The following VDR variants were observed in gnomAD, a reference collection of about 807,000 sequenced individuals.
VDR encodes vitamin D receptor.
VDR carries 19 observed loss-of-function variants against 39.7 expected under a neutral mutation model. That is an observed-to-expected ratio of 0.48 (90% CI 0.33 to 0.70). The LOEUF (loss-of-function observed/expected upper bound fraction) is 0.70, where lower values mean the gene tolerates loss of function less well. Ranked by LOEUF, VDR falls within the 30% of genes least tolerant of loss-of-function variation. VDR has a pLI of 0.02. For synonymous variants in VDR, 242 were observed against 215.8 expected (o/e 1.12, Z -1.07); for missense variants, 442 against 570.5 (o/e 0.77, Z 2.29).
intron 3 of VDR, among the ~76,000 whole-genome samples, chr12:47,871,867 C>A (rs1400715389): frequency 6.6e-6 from 1 of 152,212 alleles, no homozygotes; most frequent in African/African-American, 2.4e-5. Context: ...AAGAAGTGTT[C>A]TTTAGCAGAT....
chr12:47,865,517 T>C (rs1391920378), intron 3 of VDR, among the ~76,000 whole-genome samples: 13 of 152,012 alleles, frequency 8.6e-5, no homozygotes, highest in Non-Finnish European at 1.9e-4. Context: ...GTTCAAGTAA[T>C]CCTCCTGCTT....
chr12:47,896,965 T>C (rs1946475683), intron 1 of VDR: 1 of 152,290 alleles, frequency 6.6e-6, no homozygotes, highest in Non-Finnish European at 1.5e-5. Context: ...CTGCGTTTTT[T>C]CCAGCCCTCC....
At chr12:47,893,046 C>T (rs1184883142) in intron 1 of VDR, among the ~76,000 whole-genome samples, 1 of 152,122 alleles carries the variant, frequency 6.6e-6, no homozygotes, top group African/African-American at 2.4e-5. Context: ...GGAGAGGGTG[C>T]CAGGAAGAGA....
intron 3 of VDR, among the ~76,000 whole-genome samples, chr12:47,873,385 C>T (rs113270938): frequency 0.14 from 12,728 of 88,448 alleles, 994 homozygotes; most frequent in East Asian, 0.48. Flanking sequence ...TTTTTTGAGA[C>T]GGAGTCTCGC....
chr12:47,900,103 G>C (rs1433132699), intron 1 of VDR: 1 of 288,426 alleles, frequency 3.5e-6, no homozygotes, highest in Non-Finnish European at 5.2e-6. Context: ...GACTATTAGA[G>C]TCATATTTGA....
chr12:47,879,771 T>C (rs1054642557), intron 2 of VDR, among the ~76,000 whole-genome samples: 9 of 152,272 alleles, frequency 5.9e-5, no homozygotes, highest in African/African-American at 2.2e-4. Flanking sequence ...TCCCCCCCCT[T>C]TTTTTGGCAA....
At chr12:47,892,732 G>A (rs914995916) in intron 1 of VDR, among the ~76,000 whole-genome samples, 31 of 152,070 alleles carry the variant, frequency 2.0e-4, no homozygotes, top group African/African-American at 7.5e-4. Context: ...TGGGGATGGG[G>A]GACAAACAGG....
intron 1 of VDR, among the ~76,000 whole-genome samples, chr12:47,884,491 C>T (rs1230293792): frequency 6.6e-6 from 1 of 152,148 alleles, no homozygotes; most frequent in Non-Finnish European, 1.5e-5. Flanking sequence ...CAATGACAAT[C>T]ATCAGAGCAG....
At chr12:47,862,241 G>C (rs1363750647) in intron 4 of VDR, among the ~76,000 whole-genome samples, 1 of 152,238 alleles carries the variant, frequency 6.6e-6, no homozygotes, top group Admixed American at 6.5e-5. Flanking sequence ...GAGAGAAAAT[G>C]AGTCTTTGGT....
At position 47,844,644 on chromosome 12, in the gene VDR, C is replaced by A; in HGVS notation, c.*102G>T. On this transcript the variant is annotated 3_prime_UTR_variant, in exon 10 of 10. Transcript: ENST00000549336. ...GAGGTGGCAGAGGAGGGGCTGAACC[C>A]CAGACGGGGTGAGGAGGGCTGCTGA... 1.3e-6 allele frequency: 2 copies of A among 1,544,750 alleles called. No individual in the cohort carries two copies. The highest frequency in any genetic ancestry group is 1.8e-6 in the Non-Finnish European group (2 of 1,132,710).
intron 7 of VDR, among the ~76,000 whole-genome samples, chr12:47,850,673 C>T (rs1181875587): frequency 6.6e-6 from 1 of 152,140 alleles, no homozygotes; most frequent in Non-Finnish European, 1.5e-5. Context: ...GGTGGAGTTA[C>T]AGGGGAAGCC....
At chr12:47,882,481 C>T (rs1005327851) in intron 2 of VDR, among the ~76,000 whole-genome samples, 2 of 152,066 alleles carry the variant, frequency 1.3e-5, no homozygotes, top group African/African-American at 4.8e-5. Flanking sequence ...AGCCAGCAAG[C>T]CCCATCTCCT....
intron 3 of VDR, among the ~76,000 whole-genome samples, chr12:47,874,281 T>C (rs1945954497): frequency 6.6e-6 from 1 of 152,252 alleles, no homozygotes; most frequent in Non-Finnish European, 1.5e-5. Flanking sequence ...CACTGACTTC[T>C]TGGTCACTCA....
At position 47,859,923 on chromosome 12, in the gene VDR, TTTTCTTTC is replaced by T. The variant is rs778112133; in HGVS notation, c.278-2243_278-2236del. On this transcript the variant is annotated intron_variant, in intron 4 of 9. Transcript: ENST00000549336. ...CTTCCTTCCTTCCTTCCTTCTTTCT[TTTTCTTTC>T]TTTCTTTCTTTCTTTCTTTCTTTCT... Among the ~76,000 whole-genome samples the T allele has an allele frequency of 7.5e-3, 381 of 50,944 alleles. 6 individuals carry two copies. Among genetic ancestry groups the T allele is most frequent in the East Asian group, 0.07 (148 of 2,100 alleles). The allele number at this position is 50,944 out of a possible 152,430, so 33.4% of individuals were successfully genotyped here. A position where few individuals can be genotyped will look rare whatever the true frequency, so the allele number is the denominator to read the frequency against.
At chr12:47,904,703 G>T in intron 1 of VDR, 3 of 1,457,506 alleles carry the variant, frequency 2.1e-6, no homozygotes, top group Non-Finnish European at 2.8e-6. Context: ...TGTTAGCGGA[G>T]CATTTCTCCT....
intron 7 of VDR, among the ~76,000 whole-genome samples, chr12:47,848,148 TG>T (rs1340798162): frequency 1.3e-5 from 2 of 152,146 alleles, no homozygotes; most frequent in African/African-American, 4.8e-5. Flanking sequence ...GTGATCTGCC[TG>T]CCTAGGCTTC....
At position 47,873,351 on chromosome 12, in the gene VDR, CTTTTTTTTTTTTTTTTTT is replaced by C. The variant is rs71077177; in HGVS notation, c.146+5599_146+5616del. 6.7e-3 allele frequency among the ~76,000 whole-genome samples: 656 copies of C among 98,468 alleles called. 12 individuals carry two copies. The highest frequency in any genetic ancestry group is 0.01 in the Non-Finnish European group (528 of 50,288). 64.6% of individuals were successfully genotyped at this position (98,468 alleles called of 152,430 possible). ...ACCATGAGTCAATTAAACCTGTTTT[CTTTTTTTTTTTTTTTTTT>C]TTTTTTTTTTTGAGACGGAGTCTCG... On this transcript the variant is annotated intron_variant, in intron 3 of 9. Transcript: ENST00000549336.
intron 3 of VDR, among the ~76,000 whole-genome samples, chr12:47,878,352 A>G (rs1271426171): frequency 6.6e-6 from 1 of 152,186 alleles, no homozygotes; most frequent in Admixed American, 6.5e-5. Flanking sequence ...TCACATCTGT[A>G]ATCCTGGGCT....
At chr12:47,872,952 G>T (rs1467566541) in intron 3 of VDR, among the ~76,000 whole-genome samples, 2 of 152,200 alleles carry the variant, frequency 1.3e-5, no homozygotes, top group African/African-American at 4.8e-5. Context: ...AAAGGCACGG[G>T]AAAGTTAAAT....
Sources: allele counts gnomAD v4.1 joint callset (sites outside exome capture counted in the v4.1 genomes callset), GRCh38; gene constraint gnomAD v4.1.1; transcripts MANE v1.5; gene names NCBI Gene and HGNC (gene_info 2026-07-23, HGNC 2026-07-21).